ARHGEF9: variants seen among roughly 807,000 people sequenced by gnomAD.
ARHGEF9 encodes rho guanine nucleotide exchange factor 9.
Under a neutral mutation model 41.3 loss-of-function variants are expected in ARHGEF9, and 2 were observed. The ratio of observed to expected loss-of-function variants is 0.05; its 90% CI spans 0.02 to 0.15. The LOEUF (loss-of-function observed/expected upper bound fraction) is 0.15, where lower values mean the gene tolerates loss of function less well. ARHGEF9 is among the 10% of genes least tolerant of loss of function. The pLI, the probability that ARHGEF9 is intolerant of heterozygous loss-of-function variation, is 1.00. For missense variants in ARHGEF9, 225 were observed against 424.7 expected, an observed-to-expected ratio of 0.53 and a Z score of 4.13; for synonymous variants, 160 against 154.4, an observed-to-expected ratio of 1.04 and a Z score of -0.27.
At chrX:63,651,736 G>C (rs1334649675) in intron 8 of ARHGEF9, among the ~76,000 whole-genome samples, 1 of 110,483 alleles carries the variant, frequency 9.1e-6, no homozygotes, top group Non-Finnish European at 1.9e-5. Flanking sequence ...ATAGAAGTAG[G>C]CAATATAAAC....
intron 2 of ARHGEF9, among the ~76,000 whole-genome samples, chrX:63,723,384 T>G (rs782235944): frequency 9.0e-6 from 1 of 111,484 alleles, no homozygotes; most frequent in East Asian, 2.8e-4. Flanking sequence ...TATATCACAT[T>G]GCCATAATTC....
rs184866291 is a variant in ARHGEF9 at position 63,669,391 on chromosome X, T to A, written c.946-3374A>T. 2.1e-3 allele frequency among the ~76,000 whole-genome samples: 240 copies of A among 112,063 alleles called. 1 individual carries two copies. The highest frequency in any genetic ancestry group is 7.3e-3 in the African/African-American group (225 of 30,850). On this transcript the variant is annotated intron_variant, in intron 6 of 9. Transcript: ENST00000671741. ...ATCTCAATATCCTCATTGCCCAGCA[T>A]AGGGCCTGGCATATGAGGGGAAATG...
At position 63,690,942 on chromosome X, in the gene ARHGEF9, T is replaced by C. The variant is rs532580762; in HGVS notation, c.582+6183A>G. On this transcript the variant is annotated intron_variant, in intron 4 of 9. Coordinates refer to ENST00000671741, the MANE Select transcript of ARHGEF9 (RefSeq NM_001353921.2). Reference sequence around the variant, plus strand: ...TTTCATAAAATTCAAGATCCCTCCATGAGAAAAAGACAACAAACTGGGTAC... The same window carrying C: ...TTTCATAAAATTCAAGATCCCTCCACGAGAAAAAGACAACAAACTGGGTAC... Among the ~76,000 whole-genome samples the C allele has an allele frequency of 2.1e-4, 23 of 111,233 alleles. No individual in the cohort carries two copies. In the East Asian group the frequency reaches 5.1e-3, roughly 25 times the overall value.
intron 5 of ARHGEF9, among the ~76,000 whole-genome samples, chrX:63,675,979 A>T (rs1157528104): frequency 8.9e-6 from 1 of 112,180 alleles, no homozygotes; most frequent in East Asian, 2.8e-4. Context: ...ACCATTTTTT[A>T]AAAAAGGAAG....
chrX:63,723,433 G>T (rs781917637), intron 2 of ARHGEF9, among the ~76,000 whole-genome samples: 1 of 111,548 alleles, frequency 9.0e-6, no homozygotes, highest in South Asian at 3.8e-4. Flanking sequence ...GCCCTAGCTA[G>T]CCCTTCTGAC....
chrX:63,741,123 A>G (rs782067684), intron 1 of ARHGEF9, among the ~76,000 whole-genome samples: 70 of 112,918 alleles, frequency 6.2e-4, no homozygotes, highest in South Asian at 1.1e-3. Context: ...GCCTTCTTTG[A>G]CATTGCTTCA....
chrX:63,693,877 T>TA lies in ARHGEF9; in HGVS notation c.582+3247dup, dbSNP rs1199910626. 2.2e-3 allele frequency among the ~76,000 whole-genome samples: 232 copies of TA among 103,538 alleles called. 1 individual carries two copies. The highest frequency in any genetic ancestry group is 6.2e-3 in the African/African-American group (176 of 28,542). 89.9% of individuals were successfully genotyped at this position (103,538 alleles called of 115,157 possible). On this transcript the variant is annotated intron_variant, in intron 4 of 9. Transcript: ENST00000671741. ...ACCTACATGTTAGAATGGCGAAAAT[T>TA]AAAAAAAAAAATAGTGACTGGCCAG...
At chrX:63,642,892 A>T (rs1170685907) in intron 9 of ARHGEF9, 1 of 111,922 alleles carries the variant, frequency 8.9e-6, no homozygotes, top group African/African-American at 3.2e-5. Context: ...CTTTCCAAGC[A>T]TGGGGCTTCA....
At chrX:63,664,482 A>C (rs1260246520) in intron 7 of ARHGEF9, among the ~76,000 whole-genome samples, 1 of 112,404 alleles carries the variant, frequency 8.9e-6, no homozygotes, top group African/African-American at 3.2e-5. Flanking sequence ...TCTGAGTGTA[A>C]ACACCTTAGT....
intron 2 of ARHGEF9, among the ~76,000 whole-genome samples, chrX:63,720,298 G>A (rs2053564318): frequency 8.9e-6 from 1 of 111,982 alleles, no homozygotes; most frequent in Admixed American, 9.5e-5. Context: ...TAAAAGAACA[G>A]AGACTTCAGT....
chrX:63,643,811 C>T (rs1378393806), intron 9 of ARHGEF9, among the ~76,000 whole-genome samples, 169 bp downstream of exon 9: 2 of 110,872 alleles, frequency 1.8e-5, no homozygotes, highest in African/African-American at 6.6e-5. Context: ...CACTCCTTAG[C>T]CTTAAGCATT....
chrX:63,657,612 G>A (rs1365835259), intron 7 of ARHGEF9: 1 of 111,834 alleles, frequency 8.9e-6, no homozygotes. Context: ...GAAGAGTTCA[G>A]CTATACAGAG....
intron 1 of ARHGEF9, among the ~76,000 whole-genome samples, chrX:63,758,452 T>A (rs2147797986): frequency 8.9e-6 from 1 of 112,859 alleles, no homozygotes; most frequent in South Asian, 3.6e-4. Context: ...ATGCCTCTGT[T>A]CAAAGGCCTT....
intron 1 of ARHGEF9, among the ~76,000 whole-genome samples, chrX:63,728,166 C>CA (rs1357951886): frequency 8.9e-6 from 1 of 112,520 alleles, no homozygotes; most frequent in Non-Finnish European, 1.9e-5. Flanking sequence ...GTTCCTCCCT[C>CA]ATCTTCTGAG....
chrX:63,770,729 C>G (rs1327159377), intron 1 of ARHGEF9, among the ~76,000 whole-genome samples: 2 of 111,734 alleles, frequency 1.8e-5, no homozygotes, highest in Non-Finnish European at 3.8e-5. Context: ...CCTCCTACTA[C>G]TCTCATAATA....
intron 1 of ARHGEF9, among the ~76,000 whole-genome samples, chrX:63,758,769 A>G (rs1556448424): frequency 8.9e-6 from 1 of 112,241 alleles, no homozygotes; most frequent in African/African-American, 3.2e-5. Context: ...GTCCTCTCCC[A>G]TAGGATCCTA....
chrX:63,759,078 CAG>C (rs2055986314), intron 1 of ARHGEF9, among the ~76,000 whole-genome samples: 1 of 111,236 alleles, frequency 9.0e-6, no homozygotes. Flanking sequence ...TCCAGGTTCA[CAG>C]AGAAGGGAAG....
chrX:63,757,114 A>T (rs189492969), intron 1 of ARHGEF9, among the ~76,000 whole-genome samples: 1 of 111,641 alleles, frequency 9.0e-6, no homozygotes, highest in Admixed American at 9.5e-5. Flanking sequence ...GTTCTTCTTC[A>T]TCCAGTCATT....
chrX:63,667,201 G>A (rs1168672460), intron 6 of ARHGEF9, among the ~76,000 whole-genome samples: 1 of 111,673 alleles, frequency 9.0e-6, no homozygotes, highest in Non-Finnish European at 1.9e-5. Context: ...TCTGAGACTC[G>A]CGATAGCCCT....
Sources: allele counts gnomAD v4.1 joint callset (sites outside exome capture counted in the v4.1 genomes callset), GRCh38; gene constraint gnomAD v4.1.1; transcripts MANE v1.5; gene names NCBI Gene and HGNC (gene_info 2026-07-23, HGNC 2026-07-21).